Variants in DPP10 observed in about 807,000 individuals in gnomAD.
The protein encoded by DPP10 is inactive dipeptidyl peptidase 10.
In DPP10, 33 loss-of-function variants were observed where a neutral mutation model predicts 120.9. The ratio of observed to expected loss-of-function variants is 0.27; its 90% CI spans 0.21 to 0.37. The LOEUF (loss-of-function observed/expected upper bound fraction) is 0.37, where lower values mean the gene tolerates loss of function less well. DPP10 is among the 10% of genes least tolerant of loss of function. DPP10 has a pLI of 1.00. For synonymous variants in DPP10, 337 were observed against 326.1 expected (o/e 1.03, Z -0.36); for missense variants, 816 against 942.8 (o/e 0.87, Z 1.76).
At chr2:115,654,247 C>G (rs1029060903) in intron 5 of DPP10, among the ~76,000 whole-genome samples, 1 of 151,586 alleles carries the variant, frequency 6.6e-6, no homozygotes, top group Non-Finnish European at 1.5e-5. Flanking sequence ...TAAGTATACA[C>G]GAGTGAAGGC....
chr2:115,727,309 G>A (rs191433982), intron 7 of DPP10, among the ~76,000 whole-genome samples: 34 of 152,166 alleles, frequency 2.2e-4, no homozygotes, highest in African/African-American at 7.5e-4. Context: ...TTTTAGTATC[G>A]TTTCTACCAT....
At chr2:114,903,043 G>A (rs1157046387) in intron 1 of DPP10, among the ~76,000 whole-genome samples, 1 of 152,082 alleles carries the variant, frequency 6.6e-6, no homozygotes, top group Non-Finnish European at 1.5e-5. Flanking sequence ...TATATTTGGA[G>A]TCATACAATA....
chr2:114,734,956 C>T (rs962060861), intron 1 of DPP10, among the ~76,000 whole-genome samples: 1 of 152,158 alleles, frequency 6.6e-6, no homozygotes, highest in African/African-American at 2.4e-5. Flanking sequence ...CTCCTTAGCT[C>T]ATAGCTGGCC....
chr2:115,164,080 A>G (rs1448405090), intron 1 of DPP10, among the ~76,000 whole-genome samples: 10 of 152,082 alleles, frequency 6.6e-5, no homozygotes, highest in African/African-American at 1.9e-4. Context: ...TGCCTTTCTG[A>G]GTATTGACAT....
At chr2:114,873,335 T>A (rs1049530754) in intron 1 of DPP10, among the ~76,000 whole-genome samples, 2 of 152,152 alleles carry the variant, frequency 1.3e-5, no homozygotes, top group Non-Finnish European at 2.9e-5. Context: ...AGAGGATGAA[T>A]GAGCCACTGT....
chr2:115,818,809 G>A (rs1420507157), intron 21 of DPP10, among the ~76,000 whole-genome samples: 1 of 152,044 alleles, frequency 6.6e-6, no homozygotes, highest in Admixed American at 6.5e-5. Context: ...TCCCCAAATC[G>A]TCATTGTATA....
chr2:114,862,994 C>T (rs1395997749), intron 1 of DPP10, among the ~76,000 whole-genome samples: 5 of 151,830 alleles, frequency 3.3e-5, no homozygotes, highest in Non-Finnish European at 5.9e-5. Context: ...TTTGTGTATG[C>T]CATTGACTCT....
chr2:114,960,500 T>G (rs1698532944), intron 1 of DPP10, among the ~76,000 whole-genome samples: 1 of 152,044 alleles, frequency 6.6e-6, no homozygotes, highest in African/African-American at 2.4e-5. Context: ...TTTACTCATT[T>G]AAGAAAGTAT....
intron 19 of DPP10, among the ~76,000 whole-genome samples, chr2:115,799,125 T>C (rs1385944673): frequency 2.0e-5 from 3 of 152,098 alleles, no homozygotes; most frequent in Non-Finnish European, 2.9e-5. Flanking sequence ...TCCTTACTTA[T>C]AAGAAAATGT....
intron 1 of DPP10, among the ~76,000 whole-genome samples, chr2:114,489,028 G>C (rs960687191): frequency 1.3e-5 from 2 of 152,132 alleles, no homozygotes; most frequent in African/African-American, 2.4e-5. Context: ...GACACCCTTT[G>C]GGTTGCATGT....
chr2:114,977,369 A>C (rs549987754), intron 1 of DPP10, among the ~76,000 whole-genome samples: 2 of 152,262 alleles, frequency 1.3e-5, no homozygotes, highest in African/African-American at 4.8e-5. Context: ...AATTCTTCAC[A>C]CTTTCACCAT....
intron 3 of DPP10, among the ~76,000 whole-genome samples, chr2:115,489,248 A>T (rs1166740897): frequency 6.6e-6 from 1 of 151,838 alleles, no homozygotes; most frequent in Non-Finnish European, 1.5e-5. Flanking sequence ...CTTTACAAAA[A>T]CAGTTCTTAG....
At chr2:115,206,311 A>G (rs912448172) in intron 1 of DPP10, among the ~76,000 whole-genome samples, 1 of 152,168 alleles carries the variant, frequency 6.6e-6, no homozygotes, top group Non-Finnish European at 1.5e-5. Flanking sequence ...TAAACAATCT[A>G]TAGCACCATA....
intron 1 of DPP10, among the ~76,000 whole-genome samples, chr2:115,176,909 C>T (rs2053728977): frequency 1.3e-5 from 2 of 152,154 alleles, no homozygotes; most frequent in Admixed American, 1.3e-4. Flanking sequence ...CTCCCTTAGG[C>T]AATGCACTGT....
intron 1 of DPP10, among the ~76,000 whole-genome samples, chr2:114,975,426 A>G (rs549087063): frequency 4.9e-4 from 75 of 152,308 alleles, no homozygotes; most frequent in Admixed American, 7.8e-4. Flanking sequence ...GAAATTAGAG[A>G]CCATAGAAAA....
chr2:115,629,982 A>G (rs574580280), intron 5 of DPP10, among the ~76,000 whole-genome samples: 108 of 152,324 alleles, frequency 7.1e-4, no homozygotes, highest in Non-Finnish European at 1.2e-3. Flanking sequence ...TCGAATGTAT[A>G]AATTATTTTG....
chr2:115,799,005 G>A (rs750790325), intron 19 of DPP10, among the ~76,000 whole-genome samples: 3 of 152,034 alleles, frequency 2.0e-5, no homozygotes, highest in Non-Finnish European at 4.4e-5. Flanking sequence ...TAACATGGAG[G>A]AAGCATAATC....
chr2:114,523,098 T>C lies in DPP10; in HGVS notation c.60+80260T>C, dbSNP rs74623010. Among the ~76,000 whole-genome samples, 1,333 of 152,256 alleles carry C rather than the reference T, an allele frequency of 8.8e-3. 20 individuals are homozygous for C. Among genetic ancestry groups the C allele is most frequent in the African/African-American group, 0.03 (1,241 of 41,538 alleles). The stretch of plus-strand genomic sequence containing the variant: ...GGTACCATGGTTATTGAGTGAGTGC[T>C]CCTTAGAGGAAGGATGTGGATAAAC... On this transcript the variant is annotated intron_variant, in intron 1 of 25. Transcript: ENST00000410059.
At chr2:114,806,106 T>A (rs1684697908) in intron 1 of DPP10, among the ~76,000 whole-genome samples, 1 of 152,228 alleles carries the variant, frequency 6.6e-6, no homozygotes, top group South Asian at 2.1e-4. Flanking sequence ...ATTATCCATC[T>A]CAGGGAATTA....
Sources: allele counts gnomAD v4.1 joint callset (sites outside exome capture counted in the v4.1 genomes callset), GRCh38; gene constraint gnomAD v4.1.1; transcripts MANE v1.5; gene names NCBI Gene and HGNC (gene_info 2026-07-23, HGNC 2026-07-21).